Variants in RORA observed in about 807,000 individuals in gnomAD.
RORA encodes the protein RAR related orphan receptor A.
Under a neutral mutation model 69.5 loss-of-function variants are expected in RORA, and 7 were observed. The observed-to-expected ratio is 0.10, with a 90% CI of 0.06 to 0.19. The LOEUF (loss-of-function observed/expected upper bound fraction) is 0.19, where lower values mean the gene tolerates loss of function less well. Ranked by LOEUF, RORA falls within the 10% of genes least tolerant of loss-of-function variation. RORA has a pLI of 1.00. For synonymous variants in RORA, 261 were observed against 240.8 expected (o/e 1.08, Z -0.78); for missense variants, 457 against 663.0 (o/e 0.69, Z 3.41).
chr15:61,093,253 C>T (rs2078735687), intron 1 of RORA, among the ~76,000 whole-genome samples: 1 of 152,230 alleles, frequency 6.6e-6, no homozygotes, highest in Non-Finnish European at 1.5e-5. Context: ...GATAAACTTC[C>T]TTTCCTATTA....
intron 1 of RORA, among the ~76,000 whole-genome samples, chr15:60,904,192 G>A (rs1004167664): frequency 2.6e-5 from 4 of 152,120 alleles, no homozygotes; most frequent in African/African-American, 9.7e-5. Flanking sequence ...GATATATCCT[G>A]GGTTTTACTG....
rs1266600448 is a variant in RORA, at chr15:60,490,698, GTC to G, written c.*6755_*6756del. ...GTATTTTTTAAGTCTATGCACAAAA[GTC>G]ATTTGTTTTATTGCTTGACATTCAG... On this transcript the variant is annotated 3_prime_UTR_variant, in exon 11 of 11. Coordinates refer to ENST00000335670, the MANE Select transcript of RORA (RefSeq NM_134261.3). The surrounding 1 kb of genome is among the most constrained non-coding windows in gnomAD (Gnocchi z 4.1). 6.6e-6 allele frequency: 1 copy of G among 152,118 alleles called. No individual in the cohort carries two copies. Among genetic ancestry groups the G allele is most frequent in the African/African-American group, 2.4e-5 (1 of 41,444 alleles). The allele number at this position is 152,118 out of a possible 1,614,324, so 9.4% of individuals were successfully genotyped here.
intron 1 of RORA, among the ~76,000 whole-genome samples, chr15:61,031,860 A>G (rs1005427669): frequency 6.6e-6 from 1 of 152,194 alleles, no homozygotes; most frequent in Non-Finnish European, 1.5e-5. Flanking sequence ...AAAAGACTAT[A>G]TATAGAAGTT....
chr15:60,838,502 T>C (rs2078055088), intron 1 of RORA, among the ~76,000 whole-genome samples: 1 of 152,098 alleles, frequency 6.6e-6, no homozygotes, highest in Admixed American at 6.5e-5. Context: ...TGCCACTCTG[T>C]CTCTGTGCAA....
chr15:61,065,667 C>T (rs11632352), intron 1 of RORA, among the ~76,000 whole-genome samples: 52,621 of 152,050 alleles, frequency 0.35, 9,329 homozygotes, highest in Non-Finnish European at 0.38. Flanking sequence ...TTTAAGGTGC[C>T]GTTTGATCTT....
rs1318247294 is a variant in RORA, at chr15:60,490,478, G to A, written c.*6977C>T. On this transcript the variant is annotated 3_prime_UTR_variant, in exon 11 of 11. Transcript: ENST00000335670. This position sits in a 1 kb window ranked among gnomAD's most constrained non-coding sequence, Gnocchi z 4.1. Reference sequence around the variant, plus strand: ...CAGAATGAAAGCCAAAAAGTTAACTGTATAGAGATGTGCAGAACAACATTA... The same window carrying A: ...CAGAATGAAAGCCAAAAAGTTAACTATATAGAGATGTGCAGAACAACATTA... 6.6e-6 allele frequency: 1 copy of A among 152,096 alleles called. No individual in the cohort carries two copies. The highest frequency in any genetic ancestry group is 1.5e-5 in the Non-Finnish European group (1 of 67,980). The allele number at this position is 152,096 out of a possible 1,614,324, so 9.4% of individuals were successfully genotyped here.
intron 1 of RORA, among the ~76,000 whole-genome samples, chr15:60,747,826 A>T (rs1993471): frequency 4.6e-5 from 7 of 152,070 alleles, no homozygotes; most frequent in Non-Finnish European, 1.0e-4. Context: ...CTACGCCTCT[A>T]TTTTAGGGAT....
chr15:61,123,078 G>A lies in RORA; in HGVS notation c.166+105975C>T, dbSNP rs1427605139. ...TTGCTTTATCGCCCAGAGCCCATTA[G>A]AGAGCTATTTCCCAGGGCCAGGAAC... On this transcript the variant is annotated intron_variant, in intron 1 of 10. Transcript: ENST00000335670. 4.6e-5 allele frequency among the ~76,000 whole-genome samples: 7 copies of A among 152,250 alleles called. No homozygotes were observed. In the East Asian group the frequency reaches 1.4e-3, roughly 29 times the overall value.
At chr15:61,003,179 T>C (rs931631395) in intron 1 of RORA, among the ~76,000 whole-genome samples, 1 of 150,912 alleles carries the variant, frequency 6.6e-6, no homozygotes, top group Non-Finnish European at 1.5e-5. Flanking sequence ...TACAAAGACA[T>C]AACCAACATT....
chr15:60,935,335 C>T (rs1463303988), intron 1 of RORA, among the ~76,000 whole-genome samples: 3 of 152,174 alleles, frequency 2.0e-5, no homozygotes, highest in African/African-American at 7.2e-5. Flanking sequence ...TTAATAATAA[C>T]CAGAAACTGG....
chr15:60,716,533 G>T (rs1014908192), intron 1 of RORA, among the ~76,000 whole-genome samples: 1 of 152,054 alleles, frequency 6.6e-6, no homozygotes, highest in African/African-American at 2.4e-5. Context: ...CATATATATT[G>T]GTTTTCATCC....
At chr15:61,176,704 G>T (rs2079632286) in intron 1 of RORA, among the ~76,000 whole-genome samples, 3 of 151,920 alleles carry the variant, frequency 2.0e-5, no homozygotes, top group Admixed American at 1.3e-4. Context: ...CTATAAAATG[G>T]GAAAATAATA....
chr15:61,062,667 A>C (rs571996290), intron 1 of RORA, among the ~76,000 whole-genome samples: 1 of 152,216 alleles, frequency 6.6e-6, no homozygotes, highest in East Asian at 1.9e-4. Context: ...TATGTATATT[A>C]ATTTATGTAT....
At chr15:60,628,700 C>T (rs1052122912) in intron 2 of RORA, among the ~76,000 whole-genome samples, 5 of 152,174 alleles carry the variant, frequency 3.3e-5, no homozygotes, top group African/African-American at 1.2e-4. Flanking sequence ...TCAGCATCTT[C>T]CACATAAATA....
chr15:61,122,821 G>T lies in RORA; in HGVS notation c.166+106232C>A, dbSNP rs567055259. On this transcript the variant is annotated intron_variant, in intron 1 of 10. Coordinates refer to ENST00000335670, the MANE Select transcript of RORA (RefSeq NM_134261.3). ...CTGATTTGCTCTAAATGTAAGCTAC[G>T]CCATCCTCTCTGCCCACACCCCAGA... Among the ~76,000 whole-genome samples, 3 of 152,180 alleles carry T rather than the reference G, an allele frequency of 2.0e-5. No individual in the cohort carries two copies. In the South Asian group the frequency reaches 6.2e-4, roughly 32 times the overall value.
At chr15:60,844,688 G>A (rs371148817) in intron 1 of RORA, among the ~76,000 whole-genome samples, 2 of 152,308 alleles carry the variant, frequency 1.3e-5, no homozygotes, top group South Asian at 2.1e-4. Context: ...TACCCTCAGC[G>A]AGGCCCAGCT....
rs1286143529 is a variant in RORA at position 60,534,051 on chromosome 15, G to C, written c.197-2200C>G. On this transcript the variant is annotated intron_variant, in intron 2 of 10. Transcript: ENST00000335670. The surrounding 1 kb of genome is among the most constrained non-coding windows in gnomAD (Gnocchi z 5.0). ...GAAGGCCCTGGGCAGGGCATATTGA[G>C]AACAATGAGTAGAACTGCATCTGGA... Among the ~76,000 whole-genome samples, 1 of 152,206 alleles carries C rather than the reference G, an allele frequency of 6.6e-6. No individual in the cohort carries two copies. Among genetic ancestry groups the C allele is most frequent in the Non-Finnish European group, 1.5e-5 (1 of 68,034 alleles).
At chr15:60,908,479 A>G (rs537259910) in intron 1 of RORA, among the ~76,000 whole-genome samples, 2 of 152,320 alleles carry the variant, frequency 1.3e-5, no homozygotes, top group Non-Finnish European at 2.9e-5. Flanking sequence ...CAAATTTTCA[A>G]ATCTGTAGAA....
chr15:60,592,290 G>T (rs2068547128), intron 2 of RORA: 8 of 894,980 alleles, frequency 8.9e-6, no homozygotes, highest in Admixed American at 4.5e-5. Flanking sequence ...CAGTACGTGC[G>T]TTCGGGCAGG....
Sources: allele counts gnomAD v4.1 joint callset (sites outside exome capture counted in the v4.1 genomes callset), GRCh38; gene constraint gnomAD v4.1.1; non-coding constraint Gnocchi (gnomAD v3.1); transcripts MANE v1.5; gene names NCBI Gene and HGNC (gene_info 2026-07-23, HGNC 2026-07-21).